HEPHL1: variants seen among roughly 807,000 people sequenced by gnomAD.
The protein encoded by HEPHL1 is hephaestin like 1.
In HEPHL1, 123 loss-of-function variants were observed where a neutral mutation model predicts 122.0. That is an observed-to-expected ratio of 1.01 (90% CI 0.87 to 1.17). The LOEUF (loss-of-function observed/expected upper bound fraction) is 1.17. Among genes scored for constraint, HEPHL1 ranks in the 50% most tolerant of loss-of-function variants. The probability of loss-of-function intolerance (pLI) is 0.00; values close to 1 mark genes in which losing one functional copy is unlikely to be tolerated. For missense variants in HEPHL1, 1,452 were observed against 1,430.5 expected (o/e 1.01, Z -0.24); for synonymous variants, 527 against 508.9 (o/e 1.04, Z -0.48).
intron 14 of HEPHL1, among the ~76,000 whole-genome samples, chr11:94,101,843 C>T (rs535889882): frequency 1.7e-4 from 26 of 152,246 alleles, no homozygotes; most frequent in East Asian, 3.9e-4. Context: ...CCCCTTATCA[C>T]GGTTTTGCTT....
intron 10 of HEPHL1, among the ~76,000 whole-genome samples, chr11:94,083,457 G>A (rs1946189880): frequency 6.6e-6 from 1 of 152,182 alleles, no homozygotes; most frequent in Non-Finnish European, 1.5e-5. Context: ...ACCTAAGGTA[G>A]CAGAGTAATG....
chr11:94,102,792 G>A (rs1237870791), intron 14 of HEPHL1, 122 bp from the exon 15 acceptor site: 1 of 600,566 alleles, frequency 1.7e-6, no homozygotes, highest in Admixed American at 3.1e-5. Context: ...TGTAATGAAT[G>A]AGTAATTCTC....
At chr11:94,079,296 G>A (rs556668917) in intron 9 of HEPHL1, among the ~76,000 whole-genome samples, 2 of 152,138 alleles carry the variant, frequency 1.3e-5, no homozygotes, top group Non-Finnish European at 2.9e-5. Context: ...CAGAAGAATA[G>A]CATTAGAACC....
At chr11:94,071,457 A>G (rs762622985) in intron 6 of HEPHL1, among the ~76,000 whole-genome samples, 3 of 152,164 alleles carry the variant, frequency 2.0e-5, no homozygotes, top group Non-Finnish European at 2.9e-5. Flanking sequence ...AACATTCTCT[A>G]TTGACTAGTA....
rs953498304 is a variant in HEPHL1 at position 94,113,608 on chromosome 11, A to T, written c.*1714A>T. The T allele has an allele frequency of 2.0e-5, 3 of 152,198 alleles. No individual in the cohort carries two copies. Among genetic ancestry groups the T allele is most frequent in the African/African-American group, 2.4e-5 (1 of 41,454 alleles). The allele number at this position is 152,198 out of a possible 1,614,324, so 9.4% of individuals were successfully genotyped here. A position where few individuals can be genotyped will look rare whatever the true frequency, so the allele number is the denominator to read the frequency against. On this transcript the variant is annotated 3_prime_UTR_variant, in exon 20 of 20. Transcript: ENST00000315765. ...GGCTGCATAATTTCATAATTATGGT[A>T]AATGCCTTATTTATTACCCACCTTA...
intron 17 of HEPHL1, among the ~76,000 whole-genome samples, chr11:94,110,494 A>T (rs1235828854): frequency 2.0e-5 from 3 of 152,222 alleles, no homozygotes; most frequent in Non-Finnish European, 1.5e-5. Context: ...TCCTCCAGTG[A>T]GTAATCCAAG....
At chr11:94,105,540 C>T (rs765856487) in intron 16 of HEPHL1, among the ~76,000 whole-genome samples, 1 of 151,092 alleles carries the variant, frequency 6.6e-6, no homozygotes, top group Non-Finnish European at 1.5e-5. Context: ...GTGTGAAGCT[C>T]TCTTTTATTT....
intron 1 of HEPHL1, among the ~76,000 whole-genome samples, chr11:94,030,777 GAAA>G (rs975705479): frequency 3.9e-5 from 6 of 152,220 alleles, no homozygotes; most frequent in African/African-American, 1.4e-4. Flanking sequence ...CTTGCACAGG[GAAA>G]TGTAAGTCTT....
intron 1 of HEPHL1, among the ~76,000 whole-genome samples, chr11:94,035,957 C>G (rs1390523414): frequency 6.6e-6 from 1 of 152,150 alleles, no homozygotes; most frequent in African/African-American, 2.4e-5. Context: ...AGGATGGTCT[C>G]GATCTCCTGA....
intron 1 of HEPHL1, among the ~76,000 whole-genome samples, chr11:94,035,332 A>G (rs558437070): frequency 6.6e-6 from 1 of 152,248 alleles, no homozygotes; most frequent in South Asian, 2.1e-4. Flanking sequence ...TAGAGATTGT[A>G]CCTTTTTTAT....
rs192031445 is a variant in HEPHL1, at chr11:94,103,933, T to C, written c.2683-595T>C. Among the ~76,000 whole-genome samples, 1,159 of 152,302 alleles carry C rather than the reference T, an allele frequency of 7.6e-3. 15 individuals carry two copies. Among genetic ancestry groups the C allele is most frequent in the African/African-American group, 0.027 (1,121 of 41,566 alleles). The stretch of plus-strand genomic sequence containing the variant: ...AAATACTTATTGAGCACTTGTGATG[T>C]GCAAATGACCCCACCAAATACTATG... On this transcript the variant is annotated intron_variant, in intron 15 of 19. Transcript: ENST00000315765.
chr11:94,048,022 C>T (rs780050187), intron 2 of HEPHL1, among the ~76,000 whole-genome samples: 1 of 152,094 alleles, frequency 6.6e-6, no homozygotes, highest in Non-Finnish European at 1.5e-5. Context: ...TTAATCAATA[C>T]CTCTCCATTC....
At chr11:94,038,305 T>C (rs11582112) in intron 1 of HEPHL1, among the ~76,000 whole-genome samples, 18,064 of 141,946 alleles carry the variant, frequency 0.13, 1,233 homozygotes, top group African/African-American at 0.15. Context: ...TGCAGGATAT[T>C]ATCCAGGAGA....
chr11:94,046,720 A>C (rs988533232), intron 2 of HEPHL1, among the ~76,000 whole-genome samples: 10 of 151,810 alleles, frequency 6.6e-5, no homozygotes, highest in South Asian at 2.1e-4. Context: ...TCATTAGGGC[A>C]GTTTCTGGAT....
chr11:94,060,452 C>T (rs5002769), intron 2 of HEPHL1, among the ~76,000 whole-genome samples: 76,188 of 151,820 alleles, frequency 0.5, 19,913 homozygotes, highest in South Asian at 0.59. Context: ...CTACTATATA[C>T]CAGGCACTGT....
intron 2 of HEPHL1, among the ~76,000 whole-genome samples, chr11:94,046,776 G>A (rs1945843447): frequency 6.6e-6 from 1 of 152,004 alleles, no homozygotes; most frequent in South Asian, 2.1e-4. Context: ...AGACTTTTGA[G>A]ACAGAAGTAT....
At chr11:94,051,451 C>A (rs1218752106) in intron 2 of HEPHL1, among the ~76,000 whole-genome samples, 1 of 152,112 alleles carries the variant, frequency 6.6e-6, no homozygotes, top group Non-Finnish European at 1.5e-5. Flanking sequence ...TGTATGTCTT[C>A]TTTTGAGAAA....
rs115294870 is a variant in HEPHL1, at chr11:94,056,135, T to C, written c.416-7373T>C. 7.5e-3 allele frequency among the ~76,000 whole-genome samples: 1,148 copies of C among 152,322 alleles called. 17 individuals are homozygous for C. The highest frequency in any genetic ancestry group is 0.027 in the African/African-American group (1,109 of 41,564). ...GACCCTTTTATCGCGACAAAATATC[T>C]TTGTCTCTAATAGCATTTCTTGTCT... On this transcript the variant is annotated intron_variant, in intron 2 of 19. Coordinates refer to ENST00000315765, the MANE Select transcript of HEPHL1 (RefSeq NM_001098672.2).
chr11:94,113,409 T>C lies in HEPHL1; in HGVS notation c.*1515T>C, dbSNP rs1946467562. On this transcript the variant is annotated 3_prime_UTR_variant, in exon 20 of 20. Coordinates refer to ENST00000315765, the MANE Select transcript of HEPHL1 (RefSeq NM_001098672.2). ...CATCTTCATGAGGGGAAATGGGTAA[T>C]TGGATAGAAGCTATAGTCTTAACAT... The C allele has an allele frequency of 6.6e-6, 1 of 152,216 alleles. No homozygotes were observed. The allele number at this position is 152,216 out of a possible 1,614,324, so 9.4% of individuals were successfully genotyped here.
Sources: gnomAD v4.1 joint callset for allele counts (sites outside exome capture counted in the v4.1 genomes callset) on GRCh38, gnomAD v4.1.1 for gene constraint, MANE v1.5 for transcripts, NCBI Gene and HGNC (gene_info 2026-07-23, HGNC 2026-07-21) for gene names.